Variants in NRXN1 observed in about 807,000 individuals in gnomAD.
NRXN1 encodes the protein neurexin 1.
Under a neutral mutation model 150.9 loss-of-function variants are expected in NRXN1, and 39 were observed. The observed-to-expected ratio is 0.26, with a 90% CI of 0.20 to 0.34. The LOEUF is 0.34. NRXN1 is among the 10% of genes least tolerant of loss of function. NRXN1 has a pLI of 1.00. For synonymous variants in NRXN1, 924 were observed against 757.0 expected, an observed-to-expected ratio of 1.22 and a Z score of -3.62; for missense variants, 1,815 against 1,949.9, an observed-to-expected ratio of 0.93 and a Z score of 1.30.
chr2:50,433,841 G>A (rs2085186807), intron 17 of NRXN1, among the ~76,000 whole-genome samples: 1 of 151,982 alleles, frequency 6.6e-6, no homozygotes, highest in Admixed American at 6.6e-5. Context: ...GCCTGATACT[G>A]AGACAACTTC....
chr2:51,001,385 G>C (rs1700059607), intron 2 of NRXN1, among the ~76,000 whole-genome samples: 1 of 151,804 alleles, frequency 6.6e-6, no homozygotes, highest in South Asian at 2.1e-4. Context: ...TTCCAAAACA[G>C]CAATTTGATA....
chr2:50,304,010 T>C (rs1340241949), intron 17 of NRXN1, among the ~76,000 whole-genome samples: 1 of 152,160 alleles, frequency 6.6e-6, no homozygotes, highest in African/African-American at 2.4e-5. Flanking sequence ...TTATAGATCA[T>C]AATGGTAATG....
chr2:49,933,125 C>T (rs1020201201), intron 22 of NRXN1, among the ~76,000 whole-genome samples: 3 of 152,012 alleles, frequency 2.0e-5, no homozygotes, highest in African/African-American at 2.4e-5. Flanking sequence ...CTTGCTCTGT[C>T]GCCCAGGCTG....
At chr2:50,794,516 C>T (rs537648006) in intron 5 of NRXN1, among the ~76,000 whole-genome samples, 5 of 152,172 alleles carry the variant, frequency 3.3e-5, no homozygotes, top group Admixed American at 2.6e-4. Flanking sequence ...CATTATGTGT[C>T]GTGTGAACCA....
chr2:50,907,038 T>G (rs755212106), intron 5 of NRXN1, among the ~76,000 whole-genome samples: 1 of 152,004 alleles, frequency 6.6e-6, no homozygotes, highest in Non-Finnish European at 1.5e-5. Context: ...CTCCAAGGTC[T>G]GTCTAGAAAC....
At chr2:50,545,082 A>G (rs1470172135) in intron 9 of NRXN1, among the ~76,000 whole-genome samples, 1 of 152,150 alleles carries the variant, frequency 6.6e-6, no homozygotes, top group Non-Finnish European at 1.5e-5. Flanking sequence ...TTTCAACGCC[A>G]AATTATTTTA....
At chr2:50,444,404 C>A (rs1339297755) in intron 17 of NRXN1, among the ~76,000 whole-genome samples, 5 of 152,048 alleles carry the variant, frequency 3.3e-5, no homozygotes, top group African/African-American at 1.2e-4. Context: ...ATTACAGCAC[C>A]CACAGAACCC....
intron 5 of NRXN1, among the ~76,000 whole-genome samples, chr2:50,873,026 T>C (rs1678027876): frequency 6.6e-6 from 1 of 151,510 alleles, no homozygotes; most frequent in African/African-American, 2.4e-5. Context: ...AATTTCCCAC[T>C]CCCCCATATG....
intron 18 of NRXN1, among the ~76,000 whole-genome samples, chr2:50,166,276 CGTAT>C (rs1452989019): frequency 5.0e-5 from 6 of 119,312 alleles, no homozygotes; most frequent in South Asian, 3.0e-4. Flanking sequence ...GAGTACTCAA[CGTAT>C]GTGTGTGTGT....
chr2:50,154,699 A>G (rs932462215), intron 18 of NRXN1, among the ~76,000 whole-genome samples: 2 of 151,710 alleles, frequency 1.3e-5, no homozygotes, highest in Non-Finnish European at 3.0e-5. Flanking sequence ...GAATTAATAA[A>G]GCAGAACAAA....
intron 5 of NRXN1, among the ~76,000 whole-genome samples, chr2:50,740,598 T>C (rs1037056211): frequency 9.2e-5 from 14 of 152,202 alleles, no homozygotes; most frequent in Non-Finnish European, 2.1e-4. Context: ...TGTGTTTGAC[T>C]GTGTGAATAT....
At chr2:50,577,689 C>T (rs868505437) in intron 8 of NRXN1, among the ~76,000 whole-genome samples, 8 of 151,064 alleles carry the variant, frequency 5.3e-5, no homozygotes, top group Non-Finnish European at 8.8e-5. Flanking sequence ...CATTTAGTCA[C>T]GGTAATAGTA....
intron 12 of NRXN1, among the ~76,000 whole-genome samples, chr2:50,516,970 G>C (rs1357484940): frequency 6.6e-6 from 1 of 152,170 alleles, no homozygotes; most frequent in African/African-American, 2.4e-5. Flanking sequence ...AAATTAAATA[G>C]TCATGTGCTG....
intron 8 of NRXN1, among the ~76,000 whole-genome samples, chr2:50,618,936 C>G (rs1679496217): frequency 6.6e-6 from 1 of 152,024 alleles, no homozygotes; most frequent in African/African-American, 2.4e-5. Context: ...CAGAACTGCA[C>G]CTCTTCATGT....
At chr2:50,680,715 A>G (rs1690256929) in intron 5 of NRXN1, among the ~76,000 whole-genome samples, 1 of 152,106 alleles carries the variant, frequency 6.6e-6, no homozygotes, top group East Asian at 1.9e-4. Flanking sequence ...CCACAAGTAA[A>G]CGAATTTCCT....
At chr2:49,941,993 T>TG (rs1553397853) in intron 22 of NRXN1, among the ~76,000 whole-genome samples, 1 of 152,088 alleles carries the variant, frequency 6.6e-6, no homozygotes, top group African/African-American at 2.4e-5. Flanking sequence ...AATGACTTTT[T>TG]TTGTTGTTGT....
rs900575383 is a variant in NRXN1 at position 50,033,022 on chromosome 2, A to G, written c.4128+20249T>C. Among the ~76,000 whole-genome samples the G allele has an allele frequency of 2.6e-5, 4 of 151,730 alleles. No homozygotes were observed. The Admixed American group carries it at 2.6e-4, about 10-fold the overall frequency. On this transcript the variant is annotated intron_variant, in intron 21 of 22. Transcript: ENST00000401669. ...TATATATTTTGTTATATATACATGT[A>G]TGTATACACACATATATATATAATC...
At chr2:50,144,781 A>T in intron 18 of NRXN1, among the ~76,000 whole-genome samples, 1 of 151,798 alleles carries the variant, frequency 6.6e-6, no homozygotes, top group East Asian at 1.9e-4. Context: ...ATTAAAAATC[A>T]TATTGGACGA....
intron 5 of NRXN1, among the ~76,000 whole-genome samples, chr2:50,769,316 A>T (rs911725253): frequency 6.6e-5 from 10 of 152,218 alleles, no homozygotes; most frequent in African/African-American, 2.4e-4. Flanking sequence ...CAACTCAATC[A>T]CAGACATTCC....
Sources: gnomAD v4.1 joint callset for allele counts (sites outside exome capture counted in the v4.1 genomes callset) on GRCh38, gnomAD v4.1.1 for gene constraint, MANE v1.5 for transcripts, NCBI Gene and HGNC (gene_info 2026-07-23, HGNC 2026-07-21) for gene names.